Variants in SRRM4 observed in about 807,000 individuals in gnomAD.
SRRM4 encodes serine/arginine repetitive matrix protein 4.
A neutral mutation model predicts 68.9 loss-of-function variants in SRRM4; 33 were observed. The observed-to-expected ratio is 0.48, with a 90% CI of 0.36 to 0.64. SRRM4 has a LOEUF of 0.64. SRRM4 is among the 30% of genes least tolerant of loss of function. The probability of loss-of-function intolerance (pLI) is 0.00; values close to 1 mark genes in which losing one functional copy is unlikely to be tolerated. For missense variants in SRRM4, 817 were observed against 827.1 expected (o/e 0.99, Z 0.15); for synonymous variants, 318 against 318.8 (o/e 1.00, Z 0.03).
At chr12:119,079,120 A>G (rs1257104925) in intron 1 of SRRM4, among the ~76,000 whole-genome samples, 1 of 152,112 alleles carries the variant, frequency 6.6e-6, no homozygotes, top group Non-Finnish European at 1.5e-5. Flanking sequence ...ATGGGAGAGA[A>G]AGGTGTTGCA....
At chr12:119,087,942 C>T (rs1953989703) in intron 1 of SRRM4, among the ~76,000 whole-genome samples, 1 of 152,134 alleles carries the variant, frequency 6.6e-6, no homozygotes, top group Admixed American at 6.5e-5. Flanking sequence ...TTACAATACC[C>T]ACCTCAAGAG....
chr12:119,014,846 A>T (rs1953471455), intron 1 of SRRM4, among the ~76,000 whole-genome samples: 1 of 152,176 alleles, frequency 6.6e-6, no homozygotes, highest in Non-Finnish European at 1.5e-5. Flanking sequence ...TTAAAGCGAA[A>T]GTACCCTGCA....
At chr12:119,011,125 A>G (rs1454715739) in intron 1 of SRRM4, among the ~76,000 whole-genome samples, 1 of 152,212 alleles carries the variant, frequency 6.6e-6, no homozygotes, top group African/African-American at 2.4e-5. Context: ...GTGACTACAT[A>G]TTTAATAAAA....
chr12:119,064,899 T>C (rs533815524), intron 1 of SRRM4, among the ~76,000 whole-genome samples: 1 of 152,290 alleles, frequency 6.6e-6, no homozygotes, highest in Non-Finnish European at 1.5e-5. Context: ...TCAGCTTCAG[T>C]TGATAATGAA....
At chr12:119,041,068 T>C (rs765132375) in intron 1 of SRRM4, among the ~76,000 whole-genome samples, 2 of 152,152 alleles carry the variant, frequency 1.3e-5, no homozygotes, top group Admixed American at 6.6e-5. Flanking sequence ...CTTTATTGAC[T>C]ACTCGTTATA....
intron 1 of SRRM4, among the ~76,000 whole-genome samples, chr12:119,091,255 T>C (rs894529752): frequency 6.6e-6 from 1 of 152,164 alleles, no homozygotes; most frequent in Non-Finnish European, 1.5e-5. Context: ...CCCTGGACTG[T>C]AGAGAGAGAA....
At chr12:119,155,745 T>C (rs945719379) in intron 12 of SRRM4, among the ~76,000 whole-genome samples, 1 of 152,182 alleles carries the variant, frequency 6.6e-6, no homozygotes, top group African/African-American at 2.4e-5. Flanking sequence ...TGAAAAAATG[T>C]AATTAATATA....
At chr12:119,121,938 C>T in intron 5 of SRRM4, 132 bp from the exon 6 acceptor site, 2 of 652,146 alleles carry the variant, frequency 3.1e-6, no homozygotes, top group South Asian at 3.6e-5. Context: ...GTGAATTTTC[C>T]AGTCTGAGGC....
intron 1 of SRRM4, among the ~76,000 whole-genome samples, chr12:119,073,886 C>A (rs1953893277): frequency 6.6e-6 from 1 of 152,166 alleles, no homozygotes; most frequent in Non-Finnish European, 1.5e-5. Flanking sequence ...CCTTCCTTGG[C>A]CTCCCAAAGT....
intron 1 of SRRM4, among the ~76,000 whole-genome samples, chr12:119,004,219 T>C (rs2135994642): frequency 6.6e-6 from 1 of 152,158 alleles, no homozygotes; most frequent in Admixed American, 6.5e-5. Context: ...TCTAAGATTC[T>C]GAGACCATAA....
intron 5 of SRRM4, 132 bp downstream of exon 5, chr12:119,120,408 T>A: frequency 1.0e-6 from 1 of 976,284 alleles, no homozygotes; most frequent in Non-Finnish European, 1.5e-6. Context: ...GGGCCTCAGT[T>A]TCCTCCAAAA....
Position 119,156,679 on chromosome 12 carries a change from C to G in SRRM4, c.1717C>G (p.Arg573Gly). 1 of 1,556,662 alleles carries G rather than the reference C, an allele frequency of 6.4e-7. No individual in the cohort carries two copies. Among genetic ancestry groups the G allele is most frequent in the Non-Finnish European group, 8.7e-7 (1 of 1,151,554 alleles). Residue 573 changes from arginine to glycine, a missense_variant, in exon 13 of 13, where the codon CGC becomes GGC. By Grantham distance (125) the Arg-to-Gly change is moderately radical. Transcript: ENST00000267260. ...CCGCACGAGCAGCAGCTCTAGCTCC[C>G]GCAGCCCTAGTCCGGGCTCCCGCAG... ...RTRTSSSSSS[R>G]SPSPGSRSRS...
At chr12:119,060,485 A>T (rs1057173710) in intron 1 of SRRM4, among the ~76,000 whole-genome samples, 1 of 150,726 alleles carries the variant, frequency 6.6e-6, no homozygotes, top group Non-Finnish European at 1.5e-5. Flanking sequence ...ATTCACACTC[A>T]TTTACACCCT....
intron 1 of SRRM4, among the ~76,000 whole-genome samples, chr12:119,087,993 C>G (rs555750810): frequency 7.9e-5 from 12 of 152,324 alleles, no homozygotes; most frequent in African/African-American, 2.2e-4. Context: ...TTTTAATTGT[C>G]TGATGAGGTG....
chr12:119,136,699 T>G (rs1045808006), intron 8 of SRRM4, among the ~76,000 whole-genome samples: 1 of 152,144 alleles, frequency 6.6e-6, no homozygotes, highest in Non-Finnish European at 1.5e-5. Flanking sequence ...TTTTCTTGTT[T>G]CAATTTGGGC....
intron 1 of SRRM4, among the ~76,000 whole-genome samples, chr12:119,093,498 C>T (rs1051626109): frequency 6.6e-6 from 1 of 152,132 alleles, no homozygotes; most frequent in Non-Finnish European, 1.5e-5. Context: ...TGATGGTCCC[C>T]AAAAGGGACT....
chr12:118,995,523 G>A (rs769173572), intron 1 of SRRM4, among the ~76,000 whole-genome samples: 28 of 152,306 alleles, frequency 1.8e-4, no homozygotes, highest in Middle Eastern at 6.8e-3. Context: ...CAGGATATCT[G>A]TCCACCTGCA....
intron 1 of SRRM4, among the ~76,000 whole-genome samples, chr12:118,989,384 G>A (rs893878602): frequency 6.6e-6 from 1 of 152,162 alleles, no homozygotes; most frequent in African/African-American, 2.4e-5. Context: ...GATAGATTTT[G>A]TTCCCACGGT....
At chr12:119,064,302 A>T (rs1205062023) in intron 1 of SRRM4, among the ~76,000 whole-genome samples, 2 of 152,234 alleles carry the variant, frequency 1.3e-5, no homozygotes, top group African/African-American at 4.8e-5. Flanking sequence ...TGGCAAATAA[A>T]CTATTTATTT....
Sources: gnomAD v4.1 joint callset for allele counts (sites outside exome capture counted in the v4.1 genomes callset) on GRCh38, gnomAD v4.1.1 for gene constraint, MANE v1.5 for transcripts, NCBI Gene and HGNC (gene_info 2026-07-23, HGNC 2026-07-21) for gene names.